The following ZCCHC17 variants were observed in gnomAD, a reference collection of about 807,000 sequenced individuals.
ZCCHC17 encodes zinc finger CCHC domain-containing protein 17.
In ZCCHC17, 18 loss-of-function variants were observed where a neutral mutation model predicts 30.6. That is an observed-to-expected ratio of 0.59 (90% CI 0.41 to 0.87). The LOEUF is 0.87. Ranked by LOEUF, ZCCHC17 falls within the 40% of genes least tolerant of loss-of-function variation. The pLI is 0.00. For synonymous variants in ZCCHC17, 88 were observed against 92.4 expected, an observed-to-expected ratio of 0.95 and a Z score of 0.27; for missense variants, 263 against 284.2, an observed-to-expected ratio of 0.93 and a Z score of 0.54.
intron 2 of ZCCHC17, 88 bp downstream of exon 2, chr1:31,310,252 G>A (rs1418778396): frequency 1.2e-5 from 17 of 1,410,226 alleles, no homozygotes; most frequent in Non-Finnish European, 1.6e-5. Flanking sequence ...GTCCACTTAA[G>A]TCTGTCTTGA....
At chr1:31,320,814 G>GGGTCATATGATAACTCCATGTTCA (rs1553121710) in intron 3 of ZCCHC17, among the ~76,000 whole-genome samples, 3 of 152,084 alleles carry the variant, frequency 2.0e-5, no homozygotes, top group Non-Finnish European at 4.4e-5. Flanking sequence ...TGGAAATACT[G>GGGTCATATGATAACTCCATGTTCA]GGTCATATGA....
intron 1 of ZCCHC17, among the ~76,000 whole-genome samples, chr1:31,309,485 T>C (rs946862679): frequency 2.0e-5 from 3 of 152,082 alleles, no homozygotes; most frequent in African/African-American, 4.8e-5. Flanking sequence ...TGGCTAATTT[T>C]TGTATTTTTA....
chr1:31,322,494 G>C (rs1351415548), intron 3 of ZCCHC17, among the ~76,000 whole-genome samples: 1 of 152,140 alleles, frequency 6.6e-6, no homozygotes, highest in Non-Finnish European at 1.5e-5. Context: ...AAGTACACAG[G>C]GTGAGACCCA....
chr1:31,346,653 C>G lies in ZCCHC17; in HGVS notation c.331C>G (p.Arg111Gly), dbSNP rs758621410. Residue 111 changes from arginine to glycine, a missense_variant, in exon 6 of 8, where the codon CGG (arginine) becomes GGG (glycine). Coordinates refer to ENST00000344147, the MANE Select transcript of ZCCHC17 (RefSeq NM_016505.4). ...TTTTCATTATAGGCAAGAAGAGAGG[C>G]GGAGGCGATCCTTCCAGGATTACAC... is the stretch of plus-strand genomic sequence containing the variant. ...NNVIIEQEER[R>G]RRSFQDYTGQ... The G allele has an allele frequency of 3.7e-6, 6 of 1,611,270 alleles. No individual in the cohort carries two copies. Among genetic ancestry groups the G allele is most frequent in the Non-Finnish European group, 5.1e-6 (6 of 1,178,222 alleles).
intron 3 of ZCCHC17, chr1:31,333,090 C>T (rs1638655692): frequency 1.3e-5 from 2 of 152,282 alleles, no homozygotes; most frequent in South Asian, 4.1e-4. Flanking sequence ...TTTATTCTGT[C>T]ATTCAGATGT....
intron 6 of ZCCHC17, 123 bp downstream of exon 6, chr1:31,346,863 C>G: frequency 6.6e-7 from 1 of 1,523,990 alleles, no homozygotes; most frequent in South Asian, 1.2e-5. Flanking sequence ...ATGGCCTTTG[C>G]TGTTTTTTCC....
intron 1 of ZCCHC17, among the ~76,000 whole-genome samples, chr1:31,308,548 G>T (rs1569753431): frequency 6.6e-6 from 1 of 152,176 alleles, no homozygotes; most frequent in Admixed American, 6.5e-5. Flanking sequence ...ATAATTTCAG[G>T]TCTTACTGGT....
Position 31,310,052 on chromosome 1 carries a change from T to A in ZCCHC17, c.-47T>A. Reference sequence around the variant, plus strand: ...TGATTTCTTTATGACAGGACACTTGTATTAGCTTTAATAGAAGAGAAATGG... The same window carrying A: ...TGATTTCTTTATGACAGGACACTTGAATTAGCTTTAATAGAAGAGAAATGG... On this transcript the variant is annotated 5_prime_UTR_variant, in exon 2 of 8. Transcript: ENST00000344147. 6.3e-7 allele frequency: 1 copy of A among 1,588,520 alleles called. No homozygotes were observed.
intron 5 of ZCCHC17, among the ~76,000 whole-genome samples, chr1:31,342,403 T>C (rs544671665): frequency 1.3e-5 from 2 of 152,326 alleles, no homozygotes; most frequent in East Asian, 1.9e-4. Context: ...TTGTAATAAA[T>C]ACTAAAAGAG....
chr1:31,321,964 A>G (rs1390164991), intron 3 of ZCCHC17, among the ~76,000 whole-genome samples: 1 of 152,232 alleles, frequency 6.6e-6, no homozygotes, highest in Non-Finnish European at 1.5e-5. Flanking sequence ...GGAAGTAGCA[A>G]TATGAAGGAT....
chr1:31,321,635 C>T (rs140587701), intron 3 of ZCCHC17, among the ~76,000 whole-genome samples: 28 of 152,172 alleles, frequency 1.8e-4, no homozygotes, highest in Non-Finnish European at 3.5e-4. Context: ...CCACCACACC[C>T]GGCTAATTTT....
chr1:31,313,273 T>C (rs567567184), intron 2 of ZCCHC17, among the ~76,000 whole-genome samples: 1 of 152,110 alleles, frequency 6.6e-6, no homozygotes, highest in Admixed American at 6.5e-5. Context: ...GGTCTCACTA[T>C]GTTGCCCAGG....
intron 5 of ZCCHC17, among the ~76,000 whole-genome samples, chr1:31,343,482 C>T (rs1639122484): frequency 6.6e-6 from 1 of 152,144 alleles, no homozygotes; most frequent in South Asian, 2.1e-4. Flanking sequence ...TTCAGCCATC[C>T]ATAGTTTGTT....
At chr1:31,335,282 A>G (rs1638771864) in intron 3 of ZCCHC17, among the ~76,000 whole-genome samples, 1 of 152,248 alleles carries the variant, frequency 6.6e-6, no homozygotes, top group South Asian at 2.1e-4. Context: ...TATATGTAAA[A>G]TGTAATAAGC....
chr1:31,325,992 TAAAAAAAAAAAA>T lies in ZCCHC17; in HGVS notation c.124+6830_124+6841del, dbSNP rs71569978. ...TGGGTAAGAGTAAGACCCTGTCCCT[TAAAAAAAAAAAA>T]AAAGAAAAAACTAACATGGAAAGAA... On this transcript the variant is annotated intron_variant, in intron 3 of 7. Coordinates refer to ENST00000344147, the MANE Select transcript of ZCCHC17 (RefSeq NM_016505.4). Among the ~76,000 whole-genome samples the T allele has an allele frequency of 2.9e-5, 4 of 138,782 alleles. No individual in the cohort carries two copies. The South Asian group carries it at 9.2e-4, about 32-fold the overall frequency. 91.0% of individuals were successfully genotyped at this position (138,782 alleles called of 152,430 possible). A position where few individuals can be genotyped will look rare whatever the true frequency, so the allele number is the denominator to read the frequency against.
intron 3 of ZCCHC17, among the ~76,000 whole-genome samples, chr1:31,330,232 G>C (rs777758450): frequency 2.0e-5 from 3 of 152,202 alleles, no homozygotes; most frequent in Admixed American, 2.0e-4. Context: ...GTTTTAAGGG[G>C]ACTATAATGG....
intron 3 of ZCCHC17, among the ~76,000 whole-genome samples, chr1:31,326,242 A>G (rs1638339320): frequency 6.6e-6 from 1 of 152,168 alleles, no homozygotes; most frequent in African/African-American, 2.4e-5. Context: ...AGGGATGTAC[A>G]TGGAAGAGGG....
At chr1:31,322,233 AC>A (rs1212718942) in intron 3 of ZCCHC17, among the ~76,000 whole-genome samples, 1 of 152,270 alleles carries the variant, frequency 6.6e-6, no homozygotes, top group Non-Finnish European at 1.5e-5. Flanking sequence ...GACACTAACT[AC>A]CTGGGAATTA....
intron 3 of ZCCHC17, among the ~76,000 whole-genome samples, chr1:31,327,836 G>A (rs1182096721): frequency 6.6e-6 from 1 of 152,152 alleles, no homozygotes; most frequent in Non-Finnish European, 1.5e-5. Flanking sequence ...GACCCCTAGA[G>A]GGGGGACTGA....
Sources: allele counts gnomAD v4.1 joint callset (sites outside exome capture counted in the v4.1 genomes callset), GRCh38; gene constraint gnomAD v4.1.1; transcripts MANE v1.5; gene names NCBI Gene and HGNC (gene_info 2026-07-23, HGNC 2026-07-21).